Variants in ALDH5A1 observed in about 807,000 individuals in gnomAD.
The protein encoded by ALDH5A1 is aldehyde dehydrogenase 5 family member A1.
In ALDH5A1, 33 loss-of-function variants were observed where a neutral mutation model predicts 54.7. The ratio of observed to expected loss-of-function variants is 0.60; its 90% CI spans 0.46 to 0.81. ALDH5A1 has a LOEUF of 0.81. ALDH5A1 is among the 30% of genes least tolerant of loss of function. The pLI, the probability that ALDH5A1 is intolerant of heterozygous loss-of-function variation, is 0.00. For synonymous variants in ALDH5A1, 294 were observed against 292.7 expected, an observed-to-expected ratio of 1.00 and a Z score of -0.05; for missense variants, 657 against 711.0, an observed-to-expected ratio of 0.92 and a Z score of 0.86.
rs1464619708 is a variant in ALDH5A1 at position 24,527,444 on chromosome 6, T to C, written c.1174-553T>C. 1.2e-4 allele frequency among the ~76,000 whole-genome samples: 18 copies of C among 151,940 alleles called. No individual in the cohort carries two copies. The South Asian group carries it at 3.7e-3, about 32-fold the overall frequency. On this transcript the variant is annotated intron_variant, in intron 7 of 9. Transcript: ENST00000357578. ...AAAATTAGCCGGGCGCGGTGGTGGG[T>C]GCCTATAATCCTAGCTACTCGGGAG...
At chr6:24,522,561 T>C in intron 6 of ALDH5A1, 1 of 511,472 alleles carries the variant, frequency 2.0e-6, no homozygotes, top group Non-Finnish European at 3.6e-6. Flanking sequence ...GCATAGCAGC[T>C]GTGGAGGGAA....
Position 24,497,400 on chromosome 6 carries a change from C to T in ALDH5A1, c.354+2050C>T, listed in dbSNP as rs140512746. ...TACAATCCTCTTGCTAGCTACAGAG[C>T]GCTGATTGGTGTGTTTTTTACAGAG... On this transcript the variant is annotated intron_variant, in intron 1 of 9. Transcript: ENST00000357578. 1.0e-2 allele frequency among the ~76,000 whole-genome samples: 1,507 copies of T among 150,814 alleles called. 12 individuals carry two copies. Among genetic ancestry groups the T allele is most frequent in the African/African-American group, 0.027 (1,126 of 41,390 alleles).
Position 24,529,784 on chromosome 6 carries a change from G to A in ALDH5A1, c.1343+1618G>A, listed in dbSNP as rs1051095060. Among the ~76,000 whole-genome samples the A allele has an allele frequency of 1.1e-4, 16 of 141,126 alleles. 1 individual carries two copies. The highest frequency in any genetic ancestry group is 1.0e-3 in the Admixed American group (13 of 12,864). The allele number at this position is 141,126 out of a possible 152,430, so 92.6% of individuals were successfully genotyped here. On this transcript the variant is annotated intron_variant, in intron 8 of 9. Transcript: ENST00000357578. ...CCTCTTGGGTTCAAGCGATTCTCCT[G>A]ACTCAGCCTCCTGAGTAGCTGGGAT... is the stretch of plus-strand genomic sequence containing the variant.
intron 5 of ALDH5A1, among the ~76,000 whole-genome samples, chr6:24,516,454 A>AC: frequency 6.8e-6 from 1 of 147,260 alleles, no homozygotes; most frequent in Non-Finnish European, 1.5e-5. Flanking sequence ...AAAAAAAAAA[A>AC]AAAAATTAAA....
At chr6:24,498,120 T>C (rs1463242441) in intron 1 of ALDH5A1, among the ~76,000 whole-genome samples, 2 of 152,160 alleles carry the variant, frequency 1.3e-5, no homozygotes, top group Admixed American at 6.5e-5. Context: ...GCTTTTGGCC[T>C]GAGCAATTGG....
chr6:24,496,541 C>T (rs762020901), intron 1 of ALDH5A1, among the ~76,000 whole-genome samples: 2 of 152,144 alleles, frequency 1.3e-5, no homozygotes, highest in East Asian at 1.9e-4. Flanking sequence ...AATCCCAGAT[C>T]GAGGTGTTGT....
chr6:24,526,901 CTACTATATATATATTCTATATA>C (rs1759811385), intron 7 of ALDH5A1, among the ~76,000 whole-genome samples: 1 of 53,704 alleles, frequency 1.9e-5, no homozygotes, highest in Non-Finnish European at 5.6e-5. Context: ...ATATATATAT[CTACTATATATATATTCTATATA>C]TATCTACTAT....
intron 4 of ALDH5A1, among the ~76,000 whole-genome samples, chr6:24,514,806 TC>T (rs1759529895): frequency 6.6e-6 from 1 of 152,032 alleles, no homozygotes; most frequent in African/African-American, 2.4e-5. Context: ...AGGGTCTTGT[TC>T]TGTTCCCCAG....
At position 24,536,771 on chromosome 6, in the gene ALDH5A1, T is replaced by C. The variant is rs1822796520; in HGVS notation, c.*3059T>C. On this transcript the variant is annotated 3_prime_UTR_variant, in exon 10 of 10. Transcript: ENST00000357578. ...TCATTAAAGAGCTGATCTGCATCTG[T>C]TTATCCATTTTAGTAGCTTTTAAAT... 1 of 152,520 alleles carries C rather than the reference T, an allele frequency of 6.6e-6. No individual in the cohort carries two copies. Among genetic ancestry groups the C allele is most frequent in the South Asian group, 2.1e-4 (1 of 4,838 alleles). 9.4% of individuals were successfully genotyped at this position (152,520 alleles called of 1,614,324 possible). A position where few individuals can be genotyped will look rare whatever the true frequency, so the allele number is the denominator to read the frequency against.
intron 4 of ALDH5A1, among the ~76,000 whole-genome samples, chr6:24,510,886 G>C (rs1045748541): frequency 6.6e-6 from 1 of 151,976 alleles, no homozygotes; most frequent in Non-Finnish European, 1.5e-5. Context: ...GTTTTGTTTT[G>C]TTTTTTAATT....
In ALDH5A1 at chr6:24,523,985, G is replaced by GTTTTTTTT. The variant is rs36023125; in HGVS notation, c.1173+1071_1173+1078dup. Among the ~76,000 whole-genome samples, 6 of 113,400 alleles carry GTTTTTTTT rather than the reference G, an allele frequency of 5.3e-5. 1 individual carries two copies. Among genetic ancestry groups the GTTTTTTTT allele is most frequent in the Non-Finnish European group, 9.3e-5 (5 of 53,552 alleles). The allele number at this position is 113,400 out of a possible 152,430, so 74.4% of individuals were successfully genotyped here. A position where few individuals can be genotyped will look rare whatever the true frequency, so the allele number is the denominator to read the frequency against. The stretch of plus-strand genomic sequence containing the variant: ...TAATATCAAACATCCAGTTTTTTGT[G>GTTTTTTTT]TTTTTTTTTTTTTTTTTTGAGACGG... On this transcript the variant is annotated intron_variant, in intron 7 of 9. Transcript: ENST00000357578.
intron 4 of ALDH5A1, chr6:24,511,892 G>A (rs370736029): frequency 1.7e-6 from 1 of 593,604 alleles, no homozygotes; most frequent in Non-Finnish European, 3.1e-6. Context: ...ATTTTTGGGG[G>A]GTGTTAAAGA....
In ALDH5A1 at chr6:24,518,865, C is replaced by T. The variant is rs1759622407; in HGVS notation, c.871-1536C>T. Among the ~76,000 whole-genome samples, 1 of 152,174 alleles carries T rather than the reference C, an allele frequency of 6.6e-6. No homozygotes were observed. Among genetic ancestry groups the T allele is most frequent in the South Asian group, 2.1e-4 (1 of 4,832 alleles). ...GCTTGCGAACACCGTCTGTTTCACTCGAACTATCTCAAGTGTGGTCCCATC... is the reference window on the plus strand; with the variant it reads ...GCTTGCGAACACCGTCTGTTTCACTTGAACTATCTCAAGTGTGGTCCCATC... On this transcript the variant is annotated intron_variant, in intron 5 of 9. Transcript: ENST00000357578. This position sits in a 1 kb window ranked among gnomAD's most constrained non-coding sequence, Gnocchi z 4.2.
intron 4 of ALDH5A1, among the ~76,000 whole-genome samples, chr6:24,512,128 A>G (rs1438504887): frequency 6.6e-6 from 1 of 152,180 alleles, no homozygotes; most frequent in African/African-American, 2.4e-5. Flanking sequence ...CAGCAAGTCT[A>G]CCAGGCTCCA....
At chr6:24,522,456 G>T (rs1233718919) in intron 6 of ALDH5A1, among the ~76,000 whole-genome samples, 1 of 100,532 alleles carries the variant, frequency 9.9e-6, no homozygotes, top group African/African-American at 2.9e-5. Context: ...CATGGATTGG[G>T]TGGCTTTTTT....
chr6:24,531,948 TG>T (rs1193477112), intron 8 of ALDH5A1, 170 bp from the exon 9 acceptor site: 1 of 688,248 alleles, frequency 1.5e-6, no homozygotes, highest in Non-Finnish European at 2.6e-6. Context: ...CCTTAATCGC[TG>T]AGTTATATCG....
rs558630209 is a variant in ALDH5A1, at chr6:24,525,759, T to C, written c.1174-2238T>C. On this transcript the variant is annotated intron_variant, in intron 7 of 9. Coordinates refer to ENST00000357578, the MANE Select transcript of ALDH5A1 (RefSeq NM_001080.3). ...ACCCAGGGGAACCCTGCAGAGGAAA[T>C]TGGTGCCATTTTAAACGACAGAGCC... Among the ~76,000 whole-genome samples, 9 of 151,970 alleles carry C rather than the reference T, an allele frequency of 5.9e-5. No individual in the cohort carries two copies. The East Asian group carries it at 1.4e-3, about 23-fold the overall frequency.
rs370544116 is a variant in ALDH5A1, at chr6:24,533,700, C to T, written c.1596C>T (p.Tyr532=). 1.9e-5 allele frequency: 31 copies of T among 1,613,804 alleles called. No homozygotes were observed. The East Asian group carries it at 3.6e-4, about 19-fold the overall frequency. ...ATCTGGAACTCAAGTATGTGTGTTA[C>T]GGGGGCTTGTAGGATTCTTTGGTTC... ...DEYLELKYVC[Y]GGL Residue 532 remains tyrosine (Y), a synonymous_variant, in exon 10 of 10, where the codon TAC becomes TAT. Transcript: ENST00000357578.
intron 4 of ALDH5A1, among the ~76,000 whole-genome samples, chr6:24,506,643 A>C (rs1325090766): frequency 2.0e-5 from 3 of 152,090 alleles, no homozygotes; most frequent in Non-Finnish European, 4.4e-5. Flanking sequence ...TATCAATTTT[A>C]TTTGTTTTAA....
Sources: gnomAD v4.1 joint callset for allele counts (sites outside exome capture counted in the v4.1 genomes callset) on GRCh38, gnomAD v4.1.1 for gene constraint, Gnocchi (gnomAD v3.1) non-coding constraint, MANE v1.5 for transcripts, NCBI Gene and HGNC (gene_info 2026-07-23, HGNC 2026-07-21) for gene names.